The following KHDRBS2 variants were observed in gnomAD, a reference collection of about 807,000 sequenced individuals.
KHDRBS2 encodes the protein KH domain-containing, RNA-binding, signal transduction-associated protein 2.
A neutral mutation model predicts 44.3 loss-of-function variants in KHDRBS2; 26 were observed. The ratio of observed to expected loss-of-function variants is 0.59; its 90% CI spans 0.43 to 0.81. The LOEUF (loss-of-function observed/expected upper bound fraction) is 0.81, where lower values mean the gene tolerates loss of function less well. Among genes scored for constraint, KHDRBS2 ranks in the 40% least tolerant of loss-of-function variants. KHDRBS2 has a pLI of 0.00. For synonymous variants in KHDRBS2, 194 were observed against 151.1 expected (o/e 1.28, Z -2.08); for missense variants, 476 against 433.1 (o/e 1.10, Z -0.88).
At chr6:61,624,513 A>G in the KHDRBS2 span, among the ~76,000 whole-genome samples, 1 of 152,230 alleles carries the variant, frequency 6.6e-6, no homozygotes, top group Non-Finnish European at 1.5e-5. Flanking sequence ...CACAGACTTA[A>G]GTCCGCACCA....
chr6:62,278,653 C>T (rs1363894607), intron 1 of KHDRBS2, among the ~76,000 whole-genome samples: 1 of 152,140 alleles, frequency 6.6e-6, no homozygotes, highest in Non-Finnish European at 1.5e-5. Context: ...CATAAGAAGA[C>T]TTTCTTTTCT....
At chr6:61,860,293 G>C (rs1016252967) in intron 6 of KHDRBS2, among the ~76,000 whole-genome samples, 7 of 151,796 alleles carry the variant, frequency 4.6e-5, no homozygotes, top group African/African-American at 1.5e-4. Context: ...CATGGGGGTT[G>C]GTTGTACAGA....
chr6:61,773,742 G>A (rs1332323498), intron 6 of KHDRBS2, among the ~76,000 whole-genome samples: 1 of 151,846 alleles, frequency 6.6e-6, no homozygotes, highest in African/African-American at 2.4e-5. Context: ...GAATGGTAAT[G>A]CCTACGTTTT....
At chr6:62,075,895 A>AACTC (rs1796232561) in intron 2 of KHDRBS2, among the ~76,000 whole-genome samples, 1 of 147,862 alleles carries the variant, frequency 6.8e-6, no homozygotes, top group Admixed American at 6.8e-5. Flanking sequence ...ATCTCTCCCT[A>AACTC]TCTCTCTCTC....
intron 2 of KHDRBS2, among the ~76,000 whole-genome samples, chr6:62,124,145 A>C (rs1010302324): frequency 1.3e-5 from 2 of 152,174 alleles, no homozygotes; most frequent in Non-Finnish European, 2.9e-5. Context: ...CAGTACCCCC[A>C]GGGATCTGAG....
chr6:62,036,410 T>C (rs1785292671), intron 3 of KHDRBS2, among the ~76,000 whole-genome samples: 1 of 151,876 alleles, frequency 6.6e-6, no homozygotes, highest in Admixed American at 6.6e-5. Context: ...GGTTGGAGGA[T>C]GGTGAAGATC....
At chr6:61,800,239 T>C (rs1269338313) in intron 6 of KHDRBS2, among the ~76,000 whole-genome samples, 2 of 152,150 alleles carry the variant, frequency 1.3e-5, no homozygotes, top group Non-Finnish European at 2.9e-5. Flanking sequence ...TTTTATATTT[T>C]TGTTATTCAA....
At chr6:62,122,134 G>T (rs533626790) in intron 2 of KHDRBS2, among the ~76,000 whole-genome samples, 5 of 152,174 alleles carry the variant, frequency 3.3e-5, no homozygotes, top group Admixed American at 2.6e-4. Flanking sequence ...TGTGCAAGCT[G>T]CTCTGCCACT....
intron 1 of KHDRBS2, among the ~76,000 whole-genome samples, chr6:62,243,783 C>A (rs981505471): frequency 6.6e-6 from 1 of 152,014 alleles, no homozygotes; most frequent in Non-Finnish European, 1.5e-5. Context: ...GATGTCATCA[C>A]CAACACTGCA....
intron 6 of KHDRBS2, among the ~76,000 whole-genome samples, chr6:61,871,369 A>AT (rs1798633304): frequency 6.6e-6 from 1 of 152,228 alleles, no homozygotes; most frequent in Non-Finnish European, 1.5e-5. Flanking sequence ...GAAGAGACTA[A>AT]ATCTATGTTT....
chr6:61,567,837 C>T, the KHDRBS2 span, among the ~76,000 whole-genome samples: 89,746 of 151,708 alleles, frequency 0.59, 26,747 homozygotes, highest in African/African-American at 0.61. Context: ...TTAGTACATC[C>T]AATACATTAA....
chr6:61,859,321 C>G (rs953730683), intron 6 of KHDRBS2, among the ~76,000 whole-genome samples: 2 of 151,596 alleles, frequency 1.3e-5, no homozygotes, highest in African/African-American at 4.8e-5. Context: ...CACATTAGCA[C>G]AAGAAAGGTA....
intron 1 of KHDRBS2, among the ~76,000 whole-genome samples, chr6:62,209,700 G>A (rs921743987): frequency 5.9e-5 from 9 of 152,110 alleles, no homozygotes; most frequent in Non-Finnish European, 4.4e-5. Context: ...AATCTGGATT[G>A]GCACCCTCTA....
At chr6:62,084,654 G>T (rs555340119) in intron 2 of KHDRBS2, among the ~76,000 whole-genome samples, 1 of 152,168 alleles carries the variant, frequency 6.6e-6, no homozygotes, top group Admixed American at 6.5e-5. Context: ...AACTAATAAA[G>T]ATATTTTTAG....
intron 7 of KHDRBS2, among the ~76,000 whole-genome samples, chr6:61,721,141 T>A (rs926084583): frequency 3.3e-5 from 5 of 151,940 alleles, no homozygotes. Flanking sequence ...GATCTGTATC[T>A]CTGTTTTGGT....
chr6:62,252,931 C>T (rs113811235), intron 1 of KHDRBS2, among the ~76,000 whole-genome samples: 1 of 151,972 alleles, frequency 6.6e-6, no homozygotes, highest in African/African-American at 2.4e-5. Flanking sequence ...ATGATCATAA[C>T]TATAAAAAAC....
the KHDRBS2 span, among the ~76,000 whole-genome samples, chr6:61,567,895 G>A: frequency 0.17 from 26,064 of 151,734 alleles, 2,471 homozygotes; most frequent in East Asian, 0.29. Context: ...TGATCGCCAG[G>A]GATGATTCAG....
At chr6:61,877,916 A>T (rs1799669774) in intron 6 of KHDRBS2, among the ~76,000 whole-genome samples, 1 of 151,938 alleles carries the variant, frequency 6.6e-6, no homozygotes, top group African/African-American at 2.4e-5. Context: ...TTAATAGTTG[A>T]AGATTTTATC....
chr6:61,672,565 G>T, the KHDRBS2 span, among the ~76,000 whole-genome samples: 1 of 152,106 alleles, frequency 6.6e-6, no homozygotes, highest in Non-Finnish European at 1.5e-5. Context: ...GTATCTCATT[G>T]TGGTTTTGAT....
Sources: allele counts gnomAD v4.1 joint callset (sites outside exome capture counted in the v4.1 genomes callset), GRCh38; gene constraint gnomAD v4.1.1; transcripts MANE v1.5; gene names NCBI Gene and HGNC (gene_info 2026-07-23, HGNC 2026-07-21).